The following CDH12 variants were observed in gnomAD, a reference collection of about 807,000 sequenced individuals.
CDH12 encodes cadherin-12.
A neutral mutation model predicts 74.1 loss-of-function variants in CDH12; 41 were observed. The ratio of observed to expected loss-of-function variants is 0.55; its 90% CI spans 0.43 to 0.72. The LOEUF (loss-of-function observed/expected upper bound fraction) is 0.72, where lower values mean the gene tolerates loss of function less well. Ranked by LOEUF, CDH12 falls within the 30% of genes least tolerant of loss-of-function variation. CDH12 has a pLI of 0.00. For missense variants in CDH12, 945 were observed against 977.2 expected, an observed-to-expected ratio of 0.97 and a Z score of 0.44; for synonymous variants, 399 against 355.0, an observed-to-expected ratio of 1.12 and a Z score of -1.39.
chr5:21,969,581 T>C (rs374222559), intron 6 of CDH12, among the ~76,000 whole-genome samples: 3,003 of 151,782 alleles, frequency 0.02, 82 homozygotes, highest in South Asian at 0.059. Context: ...TATGGAAGAT[T>C]TCTACCACCC....
At chr5:22,726,712 A>G (rs1744181789) in intron 1 of CDH12, among the ~76,000 whole-genome samples, 1 of 151,794 alleles carries the variant, frequency 6.6e-6, no homozygotes. Context: ...AGAGTTTACA[A>G]TAGCTCTATG....
intron 5 of CDH12, among the ~76,000 whole-genome samples, chr5:22,070,104 T>C (rs1033450073): frequency 2.0e-5 from 3 of 152,182 alleles, no homozygotes; most frequent in African/African-American, 7.2e-5. Context: ...TAATATCTTT[T>C]TTCTTCCCTC....
chr5:22,001,417 C>A (rs1008822592), intron 5 of CDH12, among the ~76,000 whole-genome samples: 1 of 152,126 alleles, frequency 6.6e-6, no homozygotes, highest in Non-Finnish European at 1.5e-5. Context: ...CTAGAGTACA[C>A]ATGTGACTCC....
At chr5:22,350,472 T>C (rs540441006) in intron 3 of CDH12, among the ~76,000 whole-genome samples, 1 of 152,332 alleles carries the variant, frequency 6.6e-6, no homozygotes, top group South Asian at 2.1e-4. Context: ...TAAGTGTTAC[T>C]CTTTTTTAAT....
intron 4 of CDH12, among the ~76,000 whole-genome samples, chr5:22,190,467 A>G (rs1358459197): frequency 1.3e-5 from 2 of 151,892 alleles, no homozygotes; most frequent in African/African-American, 4.8e-5. Context: ...TGGAACTGTG[A>G]CCTATATTTT....
rs1175716534 is a variant in CDH12 at position 21,751,527 on chromosome 5, T to G, written c.*210A>C. ...TACACATTATAGGATGTATCTCTTG[T>G]TGGCAGAATAAACCAAAACTGACAA... On this transcript the variant is annotated 3_prime_UTR_variant, in exon 15 of 15. Coordinates refer to ENST00000382254, the MANE Select transcript of CDH12 (RefSeq NM_004061.5). The G allele has an allele frequency of 1.1e-5, 6 of 552,590 alleles. No individual in the cohort carries two copies. Among genetic ancestry groups the G allele is most frequent in the Non-Finnish European group, 1.9e-5 (6 of 311,608 alleles). 34.2% of individuals were successfully genotyped at this position (552,590 alleles called of 1,614,324 possible).
intron 7 of CDH12, among the ~76,000 whole-genome samples, chr5:21,843,151 C>T (rs1749963928): frequency 6.6e-6 from 1 of 152,148 alleles, no homozygotes; most frequent in South Asian, 2.1e-4. Flanking sequence ...GAATACATTT[C>T]ATACCAAATT....
intron 2 of CDH12, among the ~76,000 whole-genome samples, chr5:22,424,675 AT>A (rs1743817647): frequency 1.3e-5 from 2 of 152,114 alleles, no homozygotes; most frequent in Non-Finnish European, 2.9e-5. Context: ...CTTACAAATA[AT>A]TGTATTATTC....
At chr5:22,128,250 G>A (rs897278602) in intron 4 of CDH12, among the ~76,000 whole-genome samples, 4 of 151,982 alleles carry the variant, frequency 2.6e-5, no homozygotes, top group African/African-American at 9.7e-5. Context: ...GCAAGGTGGA[G>A]GTTGAACTTG....
At chr5:21,967,709 G>A (rs970441593) in intron 6 of CDH12, among the ~76,000 whole-genome samples, 49 of 152,106 alleles carry the variant, frequency 3.2e-4, no homozygotes, top group African/African-American at 1.1e-3. Context: ...TACACAAAAA[G>A]TGTCAATAGC....
intron 1 of CDH12, among the ~76,000 whole-genome samples, chr5:22,683,556 G>C (rs1468909779): frequency 6.6e-6 from 1 of 152,116 alleles, no homozygotes; most frequent in Non-Finnish European, 1.5e-5. Context: ...CAAACCCATG[G>C]AATTATTTCA....
intron 3 of CDH12, among the ~76,000 whole-genome samples, chr5:22,354,478 C>G (rs1254123466): frequency 6.6e-6 from 1 of 152,146 alleles, no homozygotes; most frequent in Non-Finnish European, 1.5e-5. Context: ...TAAGAAGACA[C>G]ACATAAATTA....
At chr5:22,634,696 AT>A (rs1738746592) in intron 1 of CDH12, among the ~76,000 whole-genome samples, 1 of 152,136 alleles carries the variant, frequency 6.6e-6, no homozygotes, top group Non-Finnish European at 1.5e-5. Context: ...GCAAAAATCA[AT>A]TGAATACTAG....
intron 4 of CDH12, among the ~76,000 whole-genome samples, chr5:22,154,585 G>GTGTACACATATATATACACACTATATA (rs1462568120): frequency 6.8e-6 from 1 of 147,668 alleles, no homozygotes; most frequent in African/African-American, 2.5e-5. Context: ...ATATGTATAT[G>GTGTACACATATATATACACACTATATA]TGTACACATA....
chr5:22,719,349 T>C (rs1227931943), intron 1 of CDH12, among the ~76,000 whole-genome samples: 3 of 152,226 alleles, frequency 2.0e-5, no homozygotes. Context: ...TAGATTGATC[T>C]AATCAGAATC....
intron 1 of CDH12, among the ~76,000 whole-genome samples, chr5:22,704,779 A>T (rs771684514): frequency 6.6e-6 from 1 of 152,040 alleles, no homozygotes; most frequent in Admixed American, 6.6e-5. Flanking sequence ...CTATATTATC[A>T]TACGTGTGGT....
At chr5:22,081,421 T>G (rs1046248274) in intron 4 of CDH12, among the ~76,000 whole-genome samples, 8 of 152,196 alleles carry the variant, frequency 5.3e-5, no homozygotes, top group African/African-American at 1.9e-4. Context: ...ATTTTTTGTT[T>G]CTTCCATGTT....
At chr5:22,386,058 A>G (rs1053178215) in intron 3 of CDH12, among the ~76,000 whole-genome samples, 5 of 151,810 alleles carry the variant, frequency 3.3e-5, no homozygotes, top group African/African-American at 1.2e-4. Flanking sequence ...ATGCTTGGCT[A>G]ATTTTGTATT....
In CDH12 at chr5:22,492,644, G is replaced by A. The variant is rs145880056; in HGVS notation, c.-428+12626C>T. Among the ~76,000 whole-genome samples, 3 of 152,170 alleles carry A rather than the reference G, an allele frequency of 2.0e-5. No individual in the cohort carries two copies. In the East Asian group the frequency reaches 5.8e-4, roughly 29 times the overall value. On this transcript the variant is annotated intron_variant, in intron 2 of 14. Coordinates refer to ENST00000382254, the MANE Select transcript of CDH12 (RefSeq NM_004061.5). ...TTACAGGAGTGAGCCACAGCATCCA[G>A]CCTGATTTTTCATTTTCTAAAACTT...
Sources: gnomAD v4.1 joint callset for allele counts (sites outside exome capture counted in the v4.1 genomes callset) on GRCh38, gnomAD v4.1.1 for gene constraint, MANE v1.5 for transcripts, NCBI Gene and HGNC (gene_info 2026-07-23, HGNC 2026-07-21) for gene names.